KCNT2: variants seen among roughly 807,000 people sequenced by gnomAD.
KCNT2 encodes potassium channel subfamily T member 2.
KCNT2 carries 67 observed loss-of-function variants against 153.8 expected under a neutral mutation model. The observed-to-expected ratio is 0.44, with a 90% confidence interval of 0.36 to 0.53. The LOEUF (loss-of-function observed/expected upper bound fraction) is 0.53. KCNT2 is among the 20% of genes least tolerant of loss of function. The pLI, the probability that KCNT2 is intolerant of heterozygous loss-of-function variation, is 0.00. For missense variants in KCNT2, 975 were observed against 1,354.8 expected, an observed-to-expected ratio of 0.72 and a Z score of 4.40; for synonymous variants, 500 against 458.8, an observed-to-expected ratio of 1.09 and a Z score of -1.15.
chr1:196,572,381 G>A (rs899815396), intron 1 of KCNT2, among the ~76,000 whole-genome samples: 26 of 152,082 alleles, frequency 1.7e-4, no homozygotes, highest in African/African-American at 2.2e-4. Flanking sequence ...TGAGGATCTC[G>A]CTCAGCATCT....
At chr1:196,250,934 C>T (rs996194340) in intron 26 of KCNT2, among the ~76,000 whole-genome samples, 1 of 151,942 alleles carries the variant, frequency 6.6e-6, no homozygotes, top group African/African-American at 2.4e-5. Context: ...ATCATCTCAC[C>T]CCAATTAAAT....
At chr1:196,400,257 C>T (rs925970622) in intron 12 of KCNT2, among the ~76,000 whole-genome samples, 22 of 151,424 alleles carry the variant, frequency 1.5e-4, no homozygotes, top group African/African-American at 5.1e-4. Flanking sequence ...ACTAGAAGTA[C>T]ACAATTTTAA....
At chr1:196,357,797 AT>A (rs1234707497) in intron 14 of KCNT2, among the ~76,000 whole-genome samples, 18 of 151,896 alleles carry the variant, frequency 1.2e-4, no homozygotes, top group African/African-American at 4.1e-4. Flanking sequence ...GAGTAACTTT[AT>A]TGCTTTCCCA....
chr1:196,333,746 G>T (rs1222933937), intron 17 of KCNT2, 101 bp downstream of exon 17: 2 of 704,512 alleles, frequency 2.8e-6, no homozygotes, highest in East Asian at 5.4e-5. Context: ...CAGAAGGAAA[G>T]ATCATTAGCT....
chr1:196,277,702 A>C (rs1658700976), intron 25 of KCNT2, among the ~76,000 whole-genome samples: 1 of 152,188 alleles, frequency 6.6e-6, no homozygotes, highest in African/African-American at 2.4e-5. Context: ...GTAAGAGAAC[A>C]GGGCCATTTT....
intron 1 of KCNT2, among the ~76,000 whole-genome samples, chr1:196,605,910 G>A (rs1665265131): frequency 6.6e-6 from 1 of 152,114 alleles, no homozygotes; most frequent in Non-Finnish European, 1.5e-5. Context: ...TAAGTGAAAA[G>A]AACTTAAGAA....
intron 26 of KCNT2, among the ~76,000 whole-genome samples, chr1:196,247,790 T>C (rs992401780): frequency 1.3e-5 from 2 of 152,128 alleles, no homozygotes; most frequent in Admixed American, 6.6e-5. Flanking sequence ...AGATGAGATA[T>C]GGGTGGGGGC....
chr1:196,602,660 T>C (rs1465700823), intron 1 of KCNT2, among the ~76,000 whole-genome samples: 1 of 152,142 alleles, frequency 6.6e-6, no homozygotes, highest in Non-Finnish European at 1.5e-5. Flanking sequence ...TTGTGTGTTT[T>C]ATATAAAATA....
At chr1:196,288,791 G>A (rs985815215) in intron 22 of KCNT2, among the ~76,000 whole-genome samples, 1 of 152,084 alleles carries the variant, frequency 6.6e-6, no homozygotes, top group African/African-American at 2.4e-5. Flanking sequence ...CAGATCACAA[G>A]TTGATTTGGA....
chr1:196,233,950 A>G (rs1167136224), intron 27 of KCNT2, among the ~76,000 whole-genome samples: 1 of 151,392 alleles, frequency 6.6e-6, no homozygotes, highest in East Asian at 1.9e-4. Context: ...AGTAACCAAA[A>G]TACAGTTACA....
chr1:196,394,531 T>C (rs1316884819), intron 13 of KCNT2, among the ~76,000 whole-genome samples: 1 of 151,500 alleles, frequency 6.6e-6, no homozygotes, highest in African/African-American at 2.4e-5. Context: ...TCAATAACTA[T>C]TTTTAGACAT....
chr1:196,384,390 A>G (rs1669771206), intron 13 of KCNT2, among the ~76,000 whole-genome samples: 1 of 152,150 alleles, frequency 6.6e-6, no homozygotes, highest in Non-Finnish European at 1.5e-5. Flanking sequence ...AGACCAAAAA[A>G]ACCCAGAGCC....
At position 196,467,775 on chromosome 1, in the gene KCNT2, A is replaced by C. The variant is rs897362443; in HGVS notation, c.471T>G (p.Pro157=). The C allele has an allele frequency of 1.2e-6, 2 of 1,600,032 alleles. No homozygotes were observed. Among genetic ancestry groups the C allele is most frequent in the Middle Eastern group, 1.7e-4 (1 of 6,004 alleles). The change falls in exon 7 of 28, where the codon CCT becomes CCG. Residue 157 remains proline (P), a synonymous_variant. Transcript: ENST00000294725. ...AVPFIISIFW[P]SLRNLFVPVF... ...CTGGGACAAATAGATTCCTTAAGGA[A>C]GGCCAGAATATCTGGAAAACAAAAC...
intron 1 of KCNT2, among the ~76,000 whole-genome samples, chr1:196,607,288 G>A (rs1665424803): frequency 6.6e-6 from 1 of 152,206 alleles, no homozygotes; most frequent in Non-Finnish European, 1.5e-5. Context: ...AACCTAGTTA[G>A]TATACATGTA....
chr1:196,230,920 A>C (rs961249358), intron 27 of KCNT2, among the ~76,000 whole-genome samples: 5 of 152,034 alleles, frequency 3.3e-5, no homozygotes, highest in African/African-American at 1.2e-4. Context: ...CCAGTTTCAA[A>C]AGAAGTTCCA....
intron 22 of KCNT2, among the ~76,000 whole-genome samples, chr1:196,297,108 CTCTCTCTCTT>C (rs1660741414): frequency 6.6e-6 from 1 of 150,774 alleles, no homozygotes; most frequent in South Asian, 2.1e-4. Context: ...ATTATGCAAT[CTCTCTCTCTT>C]TCTCTCTCTT....
intron 13 of KCNT2, among the ~76,000 whole-genome samples, chr1:196,394,986 A>AT (rs891337445): frequency 1.3e-4 from 18 of 143,172 alleles, no homozygotes; most frequent in East Asian, 9.9e-4. Flanking sequence ...TTTCCAATAG[A>AT]TTTTTTTTTT....
intron 25 of KCNT2, among the ~76,000 whole-genome samples, chr1:196,275,841 G>T (rs1186700007): frequency 6.6e-6 from 1 of 151,928 alleles, no homozygotes; most frequent in Non-Finnish European, 1.5e-5. Context: ...ATATACTAAA[G>T]AAATAATTAA....
intron 16 of KCNT2, among the ~76,000 whole-genome samples, chr1:196,337,181 CT>C (rs138057649): frequency 5.4e-4 from 82 of 151,430 alleles, no homozygotes; most frequent in African/African-American, 1.8e-3. Context: ...TGCATTCCCC[CT>C]AGCCTTTCCT....
Sources: allele counts gnomAD v4.1 joint callset (sites outside exome capture counted in the v4.1 genomes callset), GRCh38; gene constraint gnomAD v4.1.1; transcripts MANE v1.5; gene names NCBI Gene and HGNC (gene_info 2026-07-23, HGNC 2026-07-21).